The following AMPD1 variants were observed in gnomAD, a reference collection of about 807,000 sequenced individuals.
AMPD1 encodes AMP deaminase 1.
Under a neutral mutation model 82.9 loss-of-function variants are expected in AMPD1, and 74 were observed. That is an observed-to-expected ratio of 0.89 (90% CI 0.74 to 1.08). AMPD1 has a LOEUF of 1.08. Among genes scored for constraint, AMPD1 ranks in the 50% least tolerant of loss-of-function variants. The probability of loss-of-function intolerance (pLI) is 0.00; values close to 1 mark genes in which losing one functional copy is unlikely to be tolerated. For synonymous variants in AMPD1, 333 were observed against 320.5 expected, an observed-to-expected ratio of 1.04 and a Z score of -0.42; for missense variants, 881 against 924.5, an observed-to-expected ratio of 0.95 and a Z score of 0.61.
intron 1 of AMPD1, 120 bp from the exon 2 acceptor site, chr1:114,693,567 C>T (rs1658584566): frequency 2.3e-6 from 2 of 866,388 alleles, no homozygotes; most frequent in South Asian, 1.4e-5. Flanking sequence ...GCTCAGCCTT[C>T]CAGCTTGTCT....
chr1:114,681,759 A>G (rs1658165816), intron 5 of AMPD1, among the ~76,000 whole-genome samples: 1 of 152,168 alleles, frequency 6.6e-6, no homozygotes, highest in Admixed American at 6.5e-5. Context: ...CAAAGTCCAT[A>G]GTGCACATTA....
chr1:114,680,354 G>A lies in AMPD1; in HGVS notation c.672C>T (p.Val224=). The change falls in exon 6 of 16, where the codon GTC becomes GTT. Residue 224 remains valine, a synonymous_variant. Coordinates refer to ENST00000520113, the MANE Select transcript of AMPD1 (RefSeq NM_000036.3). ...VVYVYPNEAA[V]SKDEPKPLPY... is the part of the protein sequence containing the mutation. Reference sequence around the variant, plus strand: ...GAAGTGGCTTAGGCTCATCTTTGCTGACTGCTGCTTCATTAGGATAGACGT... The same window carrying A: ...GAAGTGGCTTAGGCTCATCTTTGCTAACTGCTGCTTCATTAGGATAGACGT... 2 of 1,614,170 alleles carry A rather than the reference G, an allele frequency of 1.2e-6. No individual in the cohort carries two copies. The highest frequency in any genetic ancestry group is 2.2e-5 in the East Asian group (1 of 44,880).
At position 114,678,356 on chromosome 1, in the gene AMPD1, C is replaced by G. The variant is rs1557969860; in HGVS notation, c.1069G>C (p.Val357Leu). 1.9e-6 allele frequency: 3 copies of G among 1,614,134 alleles called. No individual in the cohort carries two copies. Among genetic ancestry groups the G allele is most frequent in the Non-Finnish European group, 2.5e-6 (3 of 1,180,020 alleles). Residue 357 changes from valine (V) to leucine (L), a missense_variant, in exon 8 of 16, where the codon GTT becomes CTT. Coordinates refer to ENST00000520113, the MANE Select transcript of AMPD1 (RefSeq NM_000036.3). ...KLKMHPYDLT[V>L]DSLDVHAGRQ... Reference sequence around the variant, plus strand: ...ACAGCATGAACATCCAGAGAATCAACAGTCAGGTCATAAGGATGCATTTTT... The same window carrying G: ...ACAGCATGAACATCCAGAGAATCAAGAGTCAGGTCATAAGGATGCATTTTT...
At chr1:114,681,219 T>C (rs563018985) in intron 5 of AMPD1, among the ~76,000 whole-genome samples, 5 of 152,326 alleles carry the variant, frequency 3.3e-5, no homozygotes, top group South Asian at 4.1e-4. Context: ...CAATCCTTTT[T>C]ATTAGGCGTA....
At chr1:114,673,464 C>A (rs775434444) in intron 15 of AMPD1, among the ~76,000 whole-genome samples, 175 bp downstream of exon 15, 1 of 152,194 alleles carries the variant, frequency 6.6e-6, no homozygotes, top group Non-Finnish European at 1.5e-5. Flanking sequence ...TATTTTACTT[C>A]CCTGGCCCAA....
At position 114,688,729 on chromosome 1, in the gene AMPD1, G is replaced by A. The variant is rs186874878; in HGVS notation, c.47C>T (p.Ala16Val). Reference sequence around the variant, plus strand: ...CACTTTTTCAGCAAAGTTGCGCATTGCATCATCAATTTCTAAAAGAGGTTT... The same window carrying A: ...CACTTTTTCAGCAAAGTTGCGCATTACATCATCAATTTCTAAAAGAGGTTT... ...LPAEEKQIDD[A>V]MRNFAEKVFA... Residue 16 changes from alanine (A) to valine (V), a missense_variant, in exon 3 of 16, where the codon GCA becomes GTA. Physicochemically the swap from Ala to Val is moderately conservative, Grantham distance 64. Transcript: ENST00000520113. 2 of 1,614,138 alleles carry A rather than the reference G, an allele frequency of 1.2e-6. No homozygotes were observed. The highest frequency in any genetic ancestry group is 2.7e-5 in the African/African-American group (2 of 75,038).
At position 114,677,576 on chromosome 1, in the gene AMPD1, G is replaced by A. The variant is rs1267744668; in HGVS notation, c.1225-62C>T. ...CCACAAGTTCCTCTGGGGTTCTAGG[G>A]AGAGGAGATTCCCTTTCTAACTCTT... On this transcript the variant is annotated intron_variant, in intron 9 of 15. Transcript: ENST00000520113. The A allele has an allele frequency of 5.0e-6, 8 of 1,601,664 alleles. No homozygotes were observed. In the Admixed American group the frequency reaches 1.3e-4, roughly 27 times the overall value.
rs1304260520 is a variant in AMPD1 at position 114,686,847 on chromosome 1, G to A, written c.279C>T (p.Ser93=). 6.2e-7 allele frequency: 1 copy of A among 1,614,146 alleles called. No homozygotes were observed. The highest frequency in any genetic ancestry group is 8.5e-7 in the Non-Finnish European group (1 of 1,180,008). ...ATTCATCAATGTGGGACAGTTTGGT[G>A]GAAGATGTTTCACTTAGTGGAATGG... The part of the protein sequence containing the change: ...NLSIPLSETS[S]TKLSHIDEYI... The change falls in exon 4 of 16, where the codon TCC becomes TCT. Residue 93 remains serine (S), a synonymous_variant. Coordinates refer to ENST00000520113, the MANE Select transcript of AMPD1 (RefSeq NM_000036.3).
At position 114,675,673 on chromosome 1, in the gene AMPD1, C is replaced by T. The variant is rs573448158; in HGVS notation, c.1536G>A (p.Val512=). Residue 512 remains valine, a synonymous_variant, in exon 12 of 16, where the codon GTG becomes GTA. Transcript: ENST00000520113. ...GGCCACTGTGTTTGGACTCATCATC[C>T]ACACTGTCAAAGCCAGTGATCTGTT... The part of the protein sequence containing the change: ...FLKHITGFDS[V]DDESKHSGHM... The T allele has an allele frequency of 3.7e-6, 6 of 1,614,180 alleles. No individual in the cohort carries two copies. Among genetic ancestry groups the T allele is most frequent in the Non-Finnish European group, 1.7e-6 (2 of 1,180,026 alleles).
At chr1:114,677,011 G>T (rs1214958252) in intron 10 of AMPD1, among the ~76,000 whole-genome samples, 1 of 152,128 alleles carries the variant, frequency 6.6e-6, no homozygotes, top group Non-Finnish European at 1.5e-5. Flanking sequence ...ATGAGCATGG[G>T]AAGGAATGGA....
intron 5 of AMPD1, among the ~76,000 whole-genome samples, chr1:114,682,768 C>A (rs557813187): frequency 6.6e-6 from 1 of 152,132 alleles, no homozygotes; most frequent in Non-Finnish European, 1.5e-5. Context: ...TTAGTAGAGA[C>A]GGGGTTTCAC....
At chr1:114,688,788 T>G in intron 2 of AMPD1, 47 bp from the exon 3 acceptor site, 1 of 1,607,666 alleles carries the variant, frequency 6.2e-7, no homozygotes, top group Non-Finnish European at 8.5e-7. Flanking sequence ...TTTTCAAAAG[T>G]CAGCTGAGAG....
rs773200148 is a variant in AMPD1 at position 114,673,869 on chromosome 1, C to G, written c.1974+40G>C. ...CAAATTCTGGACGGGAAACAACAGT[C>G]CAGCAAAATATGCTTGTATTGCCCA... On this transcript the variant is annotated intron_variant, in intron 14 of 15. Coordinates refer to ENST00000520113, the MANE Select transcript of AMPD1 (RefSeq NM_000036.3). 5 of 1,608,430 alleles carry G rather than the reference C, an allele frequency of 3.1e-6. No homozygotes were observed. The Admixed American group carries it at 8.3e-5, about 27-fold the overall frequency.
chr1:114,691,932 A>C (rs536235413), intron 2 of AMPD1, among the ~76,000 whole-genome samples: 1 of 152,288 alleles, frequency 6.6e-6, no homozygotes, highest in Admixed American at 6.5e-5. Context: ...CTCAAAAATA[A>C]AAATAAAAAT....
intron 2 of AMPD1, among the ~76,000 whole-genome samples, chr1:114,690,622 A>G (rs891334998): frequency 6.6e-6 from 1 of 152,218 alleles, no homozygotes; most frequent in Non-Finnish European, 1.5e-5. Context: ...TTTGGATGCT[A>G]TAAGTAGTTC....
At chr1:114,693,688 A>G (rs1021805618) in intron 1 of AMPD1, among the ~76,000 whole-genome samples, 13 of 152,166 alleles carry the variant, frequency 8.5e-5, no homozygotes, top group African/African-American at 3.1e-4. Flanking sequence ...TTTAAAAGGC[A>G]CTCTCTATAA....
intron 12 of AMPD1, 51 bp downstream of exon 12, chr1:114,675,479 G>C (rs1657952543): frequency 6.3e-7 from 1 of 1,588,358 alleles, no homozygotes; most frequent in Non-Finnish European, 8.6e-7. Context: ...AATATATGTG[G>C]AAAGAGCTGT....
At chr1:114,692,532 A>G (rs1658543905) in intron 2 of AMPD1, among the ~76,000 whole-genome samples, 1 of 151,816 alleles carries the variant, frequency 6.6e-6, no homozygotes, top group Non-Finnish European at 1.5e-5. Flanking sequence ...AAAAATACAA[A>G]AATTAGTCAG....
chr1:114,675,856 G>A (rs2101712065), intron 11 of AMPD1, 21 bp downstream of exon 11: 1 of 1,614,098 alleles, frequency 6.2e-7, no homozygotes, highest in Middle Eastern at 1.6e-4. Flanking sequence ...GCAGTATGAA[G>A]GCCTGAAGGG....
Sources: allele counts gnomAD v4.1 joint callset (sites outside exome capture counted in the v4.1 genomes callset), GRCh38; gene constraint gnomAD v4.1.1; transcripts MANE v1.5; gene names NCBI Gene and HGNC (gene_info 2026-07-23, HGNC 2026-07-21).